Variants in XRCC2 observed in about 807,000 individuals in gnomAD.
XRCC2 encodes DNA repair protein XRCC2.
A neutral mutation model predicts 27.3 loss-of-function variants in XRCC2; 24 were observed. The observed-to-expected ratio is 0.88, with a 90% CI of 0.64 to 1.24. The LOEUF (loss-of-function observed/expected upper bound fraction) is 1.24. Among genes scored for constraint, XRCC2 ranks in the 50% most tolerant of loss-of-function variants. The pLI, the probability that XRCC2 is intolerant of heterozygous loss-of-function variation, is 0.00. For synonymous variants in XRCC2, 106 were observed against 115.4 expected (o/e 0.92, Z 0.52); for missense variants, 321 against 325.8 (o/e 0.99, Z 0.11).
intron 1 of XRCC2, among the ~76,000 whole-genome samples, chr7:152,674,711 A>AT (rs1472762302): frequency 3.6e-4 from 1 of 2,748 alleles, no homozygotes; most frequent in Non-Finnish European, 8.4e-4. Context: ...ATATTTATAT[A>AT]ATATATTTTT....
chr7:152,665,228 T>C (rs1027952745), intron 1 of XRCC2, among the ~76,000 whole-genome samples: 1 of 152,224 alleles, frequency 6.6e-6, no homozygotes. Context: ...AATCTACTTC[T>C]GTCTTGGCTG....
intron 2 of XRCC2, among the ~76,000 whole-genome samples, chr7:152,655,503 G>A (rs1363920365): frequency 1.3e-5 from 2 of 152,046 alleles, no homozygotes; most frequent in Non-Finnish European, 2.9e-5. Flanking sequence ...GAGCCCAGGA[G>A]TTCAAGACCA....
At chr7:152,651,190 T>G (rs964441133) in intron 2 of XRCC2, among the ~76,000 whole-genome samples, 1 of 151,492 alleles carries the variant, frequency 6.6e-6, no homozygotes, top group Non-Finnish European at 1.5e-5. Context: ...TCTACCCACC[T>G]CGGCCTCCCA....
At chr7:152,653,606 T>G (rs1175482393) in intron 2 of XRCC2, among the ~76,000 whole-genome samples, 4 of 142,946 alleles carry the variant, frequency 2.8e-5, no homozygotes, top group African/African-American at 1.0e-4. Context: ...ACCACAGGTG[T>G]GTGCCACCAC....
At chr7:152,671,882 A>G (rs1219230622) in intron 1 of XRCC2, among the ~76,000 whole-genome samples, 1 of 152,080 alleles carries the variant, frequency 6.6e-6, no homozygotes, top group Non-Finnish European at 1.5e-5. Context: ...CACTACAAAA[A>G]ATACAAAAAT....
intron 1 of XRCC2, among the ~76,000 whole-genome samples, chr7:152,675,519 G>C (rs2098040537): frequency 6.6e-6 from 1 of 152,078 alleles, no homozygotes; most frequent in African/African-American, 2.4e-5. Flanking sequence ...AGCTACCTGG[G>C]CTGGAAACGA....
chr7:152,659,337 G>A (rs2098032083), intron 2 of XRCC2, among the ~76,000 whole-genome samples: 2 of 152,076 alleles, frequency 1.3e-5, no homozygotes, highest in Non-Finnish European at 2.9e-5. Flanking sequence ...AATAACAGTT[G>A]GATACTTCAT....
At chr7:152,673,863 G>T (rs970084267) in intron 1 of XRCC2, among the ~76,000 whole-genome samples, 16 of 152,090 alleles carry the variant, frequency 1.1e-4, no homozygotes, top group African/African-American at 3.9e-4. Context: ...GCGACAGAGT[G>T]AGACTCTTGT....
At chr7:152,670,209 C>CA in intron 1 of XRCC2, among the ~76,000 whole-genome samples, 1 of 152,288 alleles carries the variant, frequency 6.6e-6, no homozygotes, top group South Asian at 2.1e-4. Flanking sequence ...GGGCATTCTT[C>CA]AAGGTTCCTT....
intron 2 of XRCC2, among the ~76,000 whole-genome samples, chr7:152,658,541 T>A (rs1309627221): frequency 2.0e-5 from 3 of 152,216 alleles, no homozygotes; most frequent in Admixed American, 2.0e-4. Flanking sequence ...CCACAACTTT[T>A]CCATCTTGCA....
At chr7:152,672,127 A>G (rs1240059436) in intron 1 of XRCC2, among the ~76,000 whole-genome samples, 3 of 152,202 alleles carry the variant, frequency 2.0e-5, no homozygotes, top group Non-Finnish European at 4.4e-5. Context: ...GCTGAGTGGA[A>G]GTAGACAGTT....
In XRCC2 at chr7:152,646,717, T is replaced by C. The variant is rs3218553; in HGVS notation, c.*1925A>G. On this transcript the variant is annotated 3_prime_UTR_variant, in exon 3 of 3. Transcript: ENST00000359321. ...GTCTTGACCTCCTGAGCGCGGGCAA[T>C]CCACCCACCTCGGCCTCGCAAAGTG... 2 of 152,204 alleles carry C rather than the reference T, an allele frequency of 1.3e-5. No individual in the cohort carries two copies. The highest frequency in any genetic ancestry group is 2.9e-5 in the Non-Finnish European group (2 of 68,082). The allele number at this position is 152,204 out of a possible 1,614,324, so 9.4% of individuals were successfully genotyped here.
rs1422669117 is a variant in XRCC2 at position 152,646,104 on chromosome 7, C to A, written c.*2538G>T. On this transcript the variant is annotated 3_prime_UTR_variant, in exon 3 of 3. Transcript: ENST00000359321. ...ATTTAAAAATCAGCCCACCATTTTC[C>A]TGTTTCATTTTAAAGTTATGCCCCT... 2 of 152,164 alleles carry A rather than the reference C, an allele frequency of 1.3e-5. No homozygotes were observed. Among genetic ancestry groups the A allele is most frequent in the East Asian group, 3.8e-4 (2 of 5,200 alleles). The allele number at this position is 152,164 out of a possible 1,614,324, so 9.4% of individuals were successfully genotyped here. A position where few individuals can be genotyped will look rare whatever the true frequency, so the allele number is the denominator to read the frequency against.
In XRCC2 at chr7:152,653,006, C is replaced by T. The variant is rs1219974541; in HGVS notation, c.122-3643G>A. Reference sequence around the variant, plus strand: ...GAGACCACAGGGTGCTCACACTTAGCGTGGTGAGGGCCTCAGTTCTGCAGG... The same window carrying T: ...GAGACCACAGGGTGCTCACACTTAGTGTGGTGAGGGCCTCAGTTCTGCAGG... On this transcript the variant is annotated intron_variant, in intron 2 of 2. Coordinates refer to ENST00000359321, the MANE Select transcript of XRCC2 (RefSeq NM_005431.2). 5.3e-5 allele frequency among the ~76,000 whole-genome samples: 8 copies of T among 152,204 alleles called. No individual in the cohort carries two copies. In the East Asian group the frequency reaches 7.7e-4, roughly 15 times the overall value.
At chr7:152,673,418 A>G (rs746840076) in intron 1 of XRCC2, among the ~76,000 whole-genome samples, 1 of 151,712 alleles carries the variant, frequency 6.6e-6, no homozygotes, top group African/African-American at 2.4e-5. Context: ...GCCCACCTCA[A>G]CCTCCCAAAG....
chr7:152,655,526 T>C lies in XRCC2; in HGVS notation c.121+5175A>G, dbSNP rs3218497. Among the ~76,000 whole-genome samples, 1,026 of 152,074 alleles carry C rather than the reference T, an allele frequency of 6.7e-3. 9 individuals are homozygous for C. The highest frequency in any genetic ancestry group is 0.014 in the Middle Eastern group (4 of 294). ...GAGTTCAAGACCATCCTGGGCAACA[T>C]GGCAAAACTCCATCTCTACAAAATA... On this transcript the variant is annotated intron_variant, in intron 2 of 2. Coordinates refer to ENST00000359321, the MANE Select transcript of XRCC2 (RefSeq NM_005431.2).
At chr7:152,667,491 G>A (rs1342382261) in intron 1 of XRCC2, among the ~76,000 whole-genome samples, 3 of 148,942 alleles carry the variant, frequency 2.0e-5, no homozygotes, top group Non-Finnish European at 3.0e-5. Context: ...ACTCCTCTTA[G>A]TTACCCACAA....
intron 1 of XRCC2, among the ~76,000 whole-genome samples, chr7:152,661,381 A>C (rs1355689307): frequency 1.3e-5 from 2 of 152,196 alleles, no homozygotes; most frequent in African/African-American, 4.8e-5. Flanking sequence ...GTTAATTCTT[A>C]CCACACTTGT....
intron 2 of XRCC2, among the ~76,000 whole-genome samples, chr7:152,657,397 C>G (rs3218486): frequency 2.6e-5 from 4 of 151,488 alleles, no homozygotes; most frequent in Admixed American, 2.0e-4. Flanking sequence ...CCTCCCAGGT[C>G]CAAGCAATTC....
Sources: gnomAD v4.1 joint callset for allele counts (sites outside exome capture counted in the v4.1 genomes callset) on GRCh38, gnomAD v4.1.1 for gene constraint, MANE v1.5 for transcripts, NCBI Gene and HGNC (gene_info 2026-07-23, HGNC 2026-07-21) for gene names.